The following NANOS3 variants were observed in gnomAD, a reference collection of about 807,000 sequenced individuals.
NANOS3 encodes the protein nanos C2HC-type zinc finger 3.
NANOS3 carries 11 observed loss-of-function variants against 13.8 expected under a neutral mutation model. The observed-to-expected ratio is 0.80, with a 90% CI of 0.50 to 1.32. The LOEUF is 1.32. NANOS3 is among the 40% of genes most tolerant of loss of function. NANOS3 has a pLI of 0.00. For missense variants in NANOS3, 221 were observed against 263.8 expected, an observed-to-expected ratio of 0.84 and a Z score of 1.12; for synonymous variants, 119 against 115.4, an observed-to-expected ratio of 1.03 and a Z score of -0.20.
At chr19:13,876,308 T>TTGTG (rs111824565), upstream of NANOS3, among the ~76,000 whole-genome samples, 145 of 149,194 alleles carry the variant, frequency 9.7e-4, no homozygotes, top group Non-Finnish European at 1.4e-3. Context: ...CCAGCTAATT[T>TTGTG]TGTGTGTGTG....
At chr19:13,876,119 A>G (rs1187214965), upstream of NANOS3, among the ~76,000 whole-genome samples, 3 of 152,080 alleles carry the variant, frequency 2.0e-5, no homozygotes. Flanking sequence ...TAACTAGAAG[A>G]AGGAGGCAGA....
At chr19:13,865,985 G>A (rs1248258766) in intron 1 of NANOS3, among the ~76,000 whole-genome samples, 3 of 152,040 alleles carry the variant, frequency 2.0e-5, no homozygotes, top group Non-Finnish European at 4.4e-5. Flanking sequence ...CGGGCCTGCG[G>A]AGACCGATCC....
upstream of NANOS3, among the ~76,000 whole-genome samples, chr19:13,864,285 C>T (rs555213750): frequency 6.6e-6 from 1 of 152,242 alleles, no homozygotes; most frequent in South Asian, 2.1e-4. Flanking sequence ...ATCCTTTGTA[C>T]AGCTTGCATG....
chr19:13,877,233 C>A lies in NANOS3; in HGVS notation c.-16C>A. 1 of 1,592,270 alleles carries A rather than the reference C, an allele frequency of 6.3e-7. No homozygotes were observed. ...TGTCTCTGTGACTCCTTCCGCCTGG[C>A]ACATGCTGCCCAGCTATGGGGACCT... On this transcript the variant is annotated 5_prime_UTR_variant, in exon 1 of 2. Coordinates refer to ENST00000339133, the MANE Select transcript of NANOS3 (RefSeq NM_001098622.3).
chr19:13,869,774 GCACACACA>G (rs745893055), intron 1 of NANOS3, among the ~76,000 whole-genome samples: 1 of 144,368 alleles, frequency 6.9e-6, no homozygotes, highest in African/African-American at 2.5e-5. Context: ...ACACACGCAC[GCACACACA>G]CACACACACG....
chr19:13,878,383 C>T lies in NANOS3; in HGVS notation c.517+618C>T, dbSNP rs564972448. Reference sequence around the variant, plus strand: ...CCTCCTGAGAAGCTGAGATTACAGGCGCCTGCCACCATGGCCAGCTAATTT... The same window carrying T: ...CCTCCTGAGAAGCTGAGATTACAGGTGCCTGCCACCATGGCCAGCTAATTT... On this transcript the variant is annotated intron_variant, in intron 1 of 1. Transcript: ENST00000339133. 6.3e-4 allele frequency among the ~76,000 whole-genome samples: 92 copies of T among 146,576 alleles called. 1 individual carries two copies. Among genetic ancestry groups the T allele is most frequent in the African/African-American group, 2.2e-3 (88 of 39,542 alleles).
chr19:13,866,599 T>C (rs1329541874), intron 1 of NANOS3, among the ~76,000 whole-genome samples: 1 of 152,204 alleles, frequency 6.6e-6, no homozygotes, highest in African/African-American at 2.4e-5. Context: ...ATAGTGCCCA[T>C]TGAAAGGCTG....
At chr19:13,873,181 T>C (rs933357885), upstream of NANOS3, among the ~76,000 whole-genome samples, 8 of 144,912 alleles carry the variant, frequency 5.5e-5, no homozygotes, top group Non-Finnish European at 1.2e-4. Flanking sequence ...TTAGAGGGAG[T>C]GTGTTCTGGG....
upstream of NANOS3, among the ~76,000 whole-genome samples, chr19:13,865,126 C>T (rs962573213): frequency 6.6e-6 from 1 of 151,806 alleles, no homozygotes; most frequent in South Asian, 2.1e-4. Context: ...GGCAGGAGGC[C>T]TCGGGACGCG....
chr19:13,869,770 GCACGCACACA>G (rs914943445), intron 1 of NANOS3, among the ~76,000 whole-genome samples: 1 of 147,204 alleles, frequency 6.8e-6, no homozygotes, highest in Non-Finnish European at 1.5e-5. Flanking sequence ...ACACACACAC[GCACGCACACA>G]CACACACACA....
chr19:13,874,386 C>T (rs1326496578), upstream of NANOS3, among the ~76,000 whole-genome samples: 1 of 152,214 alleles, frequency 6.6e-6, no homozygotes, highest in African/African-American at 2.4e-5. Context: ...CTAGCAGTGG[C>T]CTTTGGCCTC....
chr19:13,873,507 G>A (rs1418179377), upstream of NANOS3, among the ~76,000 whole-genome samples: 1 of 152,030 alleles, frequency 6.6e-6, no homozygotes, highest in Non-Finnish European at 1.5e-5. Flanking sequence ...CTCGTCCTGT[G>A]ACCCAGGCTG....
At chr19:13,879,617 A>G (rs963060060) in intron 1 of NANOS3, among the ~76,000 whole-genome samples, 20 of 152,122 alleles carry the variant, frequency 1.3e-4, no homozygotes, top group African/African-American at 4.8e-4. Flanking sequence ...AGTCCCAGCT[A>G]CTTGGGAGGC....
chr19:13,877,045 C>G (rs778969139), upstream of NANOS3, among the ~76,000 whole-genome samples: 4 of 152,146 alleles, frequency 2.6e-5, no homozygotes, highest in Non-Finnish European at 4.4e-5. Flanking sequence ...ACCAGGCCCC[C>G]CTGTGACAAT....
upstream of NANOS3, among the ~76,000 whole-genome samples, chr19:13,862,931 C>T (rs1335841303): frequency 6.6e-6 from 1 of 152,242 alleles, no homozygotes; most frequent in Non-Finnish European, 1.5e-5. Flanking sequence ...GTATTCACTT[C>T]ATTGGCCTGC....
intron 1 of NANOS3, among the ~76,000 whole-genome samples, chr19:13,866,003 G>T (rs919640130): frequency 1.3e-5 from 2 of 152,064 alleles, no homozygotes; most frequent in East Asian, 1.9e-4. Context: ...TCCTGGCGGG[G>T]GCCCCGCTCA....
chr19:13,866,446 C>T (rs751355387), intron 1 of NANOS3, among the ~76,000 whole-genome samples: 3 of 152,064 alleles, frequency 2.0e-5, no homozygotes, highest in Non-Finnish European at 2.9e-5. Context: ...TGATGGAGAC[C>T]CCCAAAATTA....
upstream of NANOS3, among the ~76,000 whole-genome samples, chr19:13,862,422 G>T (rs556717800): frequency 7.9e-5 from 12 of 152,198 alleles, no homozygotes; most frequent in Admixed American, 2.0e-4. Context: ...GCTGGACTCT[G>T]CTGCCCCCTG....
upstream of NANOS3, among the ~76,000 whole-genome samples, chr19:13,865,119 A>G (rs1016728079): frequency 6.6e-6 from 1 of 151,512 alleles, no homozygotes; most frequent in Admixed American, 6.6e-5. Flanking sequence ...TGCGCCTGGC[A>G]GGAGGCCTCG....
Sources: gnomAD v4.1 joint callset for allele counts (sites outside exome capture counted in the v4.1 genomes callset) on GRCh38, gnomAD v4.1.1 for gene constraint, MANE v1.5 for transcripts, NCBI Gene and HGNC (gene_info 2026-07-23, HGNC 2026-07-21) for gene names.